The following SCAPER variants were observed in gnomAD, a reference collection of about 807,000 sequenced individuals.
The protein encoded by SCAPER is S-phase cyclin A associated protein in the ER, also known as S phase cyclin A-associated protein in the endoplasmic reticulum.
Under a neutral mutation model 182.2 loss-of-function variants are expected in SCAPER, and 98 were observed. The observed-to-expected ratio is 0.54, with a 90% CI of 0.46 to 0.64. SCAPER has a LOEUF of 0.64. SCAPER is among the 30% of genes least tolerant of loss of function. The pLI, the probability that SCAPER is intolerant of heterozygous loss-of-function variation, is 0.00. For missense variants in SCAPER, 1,432 were observed against 1,690.0 expected (o/e 0.85, Z 2.68); for synonymous variants, 605 against 564.6 (o/e 1.07, Z -1.01).
At chr15:76,414,465 G>C (rs2045516101) in intron 26 of SCAPER, among the ~76,000 whole-genome samples, 1 of 151,506 alleles carries the variant, frequency 6.6e-6, no homozygotes, top group Non-Finnish European at 1.5e-5. Flanking sequence ...TGCAGCTGGA[G>C]GAAAAAAAAG....
At position 76,779,846 on chromosome 15, in the gene SCAPER, A is replaced by C. The variant is rs530007849; in HGVS notation, c.773-4729T>G. On this transcript the variant is annotated intron_variant, in intron 8 of 31. Coordinates refer to ENST00000563290, the MANE Select transcript of SCAPER (RefSeq NM_020843.4). ...ATATAAACAATTATAAGCTATGACCAAGTGAAATTTATTTCAGATATGCCA... is the reference window on the plus strand; with the variant it reads ...ATATAAACAATTATAAGCTATGACCCAGTGAAATTTATTTCAGATATGCCA... Among the ~76,000 whole-genome samples, 6 of 152,356 alleles carry C rather than the reference A, an allele frequency of 3.9e-5. No homozygotes were observed. In the South Asian group the frequency reaches 1.2e-3, roughly 32 times the overall value.
At chr15:76,666,277 T>C (rs1199382200) in intron 20 of SCAPER, among the ~76,000 whole-genome samples, 1 of 152,122 alleles carries the variant, frequency 6.6e-6, no homozygotes, top group East Asian at 1.9e-4. Flanking sequence ...ATTTGGCCTG[T>C]GAGTAGGGTG....
intron 8 of SCAPER, among the ~76,000 whole-genome samples, chr15:76,782,732 C>G (rs1008668186): frequency 2.0e-5 from 3 of 152,278 alleles, no homozygotes; most frequent in African/African-American, 7.2e-5. Context: ...GAAACTCACT[C>G]AAAACCTCAC....
At chr15:76,864,309 C>G (rs1349140457) in intron 2 of SCAPER, among the ~76,000 whole-genome samples, 1 of 152,208 alleles carries the variant, frequency 6.6e-6, no homozygotes, top group Non-Finnish European at 1.5e-5. Flanking sequence ...ATTTACTTAT[C>G]TGTTCAATTC....
At chr15:76,729,295 TACACACAC>T (rs57440824) in intron 16 of SCAPER, among the ~76,000 whole-genome samples, 12 of 144,282 alleles carry the variant, frequency 8.3e-5, no homozygotes, top group South Asian at 4.4e-4. Flanking sequence ...TATATACACA[TACACACAC>T]ACACACACAC....
At chr15:76,448,453 C>T (rs2048154437) in intron 25 of SCAPER, among the ~76,000 whole-genome samples, 1 of 151,908 alleles carries the variant, frequency 6.6e-6, no homozygotes, top group African/African-American at 2.4e-5. Flanking sequence ...GTGGGGGAAG[C>T]CGATTTTGAG....
intron 21 of SCAPER, among the ~76,000 whole-genome samples, chr15:76,665,067 G>A (rs1229572368): frequency 6.6e-6 from 1 of 152,142 alleles, no homozygotes; most frequent in Admixed American, 6.6e-5. Flanking sequence ...CTGTGTCCTC[G>A]AACCGGACTC....
intron 25 of SCAPER, among the ~76,000 whole-genome samples, chr15:76,462,730 A>T (rs1337385011): frequency 1.3e-5 from 2 of 152,194 alleles, no homozygotes; most frequent in African/African-American, 4.8e-5. Flanking sequence ...TGTAGTAGAA[A>T]GGCAATCTGA....
At chr15:76,877,630 T>G (rs900613330) in intron 2 of SCAPER, among the ~76,000 whole-genome samples, 1 of 152,194 alleles carries the variant, frequency 6.6e-6, no homozygotes, top group African/African-American at 2.4e-5. Context: ...TCGTGTGATA[T>G]TCTGCCTAAA....
At chr15:76,679,413 T>C (rs985588239) in intron 20 of SCAPER, among the ~76,000 whole-genome samples, 6 of 152,212 alleles carry the variant, frequency 3.9e-5, no homozygotes, top group Non-Finnish European at 8.8e-5. Context: ...ATGCAATGCA[T>C]TTTTATCATT....
At chr15:76,408,324 T>G (rs1226933719) in intron 26 of SCAPER, among the ~76,000 whole-genome samples, 1 of 152,204 alleles carries the variant, frequency 6.6e-6, no homozygotes, top group Non-Finnish European at 1.5e-5. Context: ...ATTTATTTCC[T>G]GTAAAATGAT....
chr15:76,804,649 C>CA lies in SCAPER; in HGVS notation c.394-17dup, dbSNP rs762475115. On this transcript the variant is annotated splice_polypyrimidine_tract_variant and intron_variant, in intron 5 of 31. Transcript: ENST00000563290. Reference sequence around the variant, plus strand: ...TTAGCACCTCCTAAAAGAAACAAAACAAAAAAAAATTAAATTCCAGTCTGA... The same window carrying CA: ...TTAGCACCTCCTAAAAGAAACAAAACAAAAAAAAAATTAAATTCCAGTCTGA... 677 of 1,468,096 alleles carry CA rather than the reference C, an allele frequency of 4.6e-4. No individual in the cohort carries two copies. The highest frequency in any genetic ancestry group is 1.2e-3 in the African/African-American group (79 of 68,438). 90.9% of individuals were successfully genotyped at this position (1,468,096 alleles called of 1,614,324 possible).
intron 16 of SCAPER, among the ~76,000 whole-genome samples, chr15:76,729,082 AC>A (rs1462478599): frequency 1.8e-4 from 27 of 152,084 alleles, no homozygotes; most frequent in African/African-American, 5.8e-4. Context: ...GGCCTAGCCT[AC>A]CAGCCTACAT....
intron 20 of SCAPER, among the ~76,000 whole-genome samples, chr15:76,695,442 C>CA (rs1392630109): frequency 1.3e-5 from 2 of 151,642 alleles, no homozygotes; most frequent in African/African-American, 2.4e-5. Context: ...CCAAAAAATA[C>CA]AAAAATTAGC....
chr15:76,845,819 T>G (rs1327770824), intron 4 of SCAPER, among the ~76,000 whole-genome samples: 1 of 152,080 alleles, frequency 6.6e-6, no homozygotes, highest in East Asian at 1.9e-4. Flanking sequence ...ACCAATGACA[T>G]TCTTCACAGA....
chr15:76,572,371 A>C lies in SCAPER; in HGVS notation c.2838+1787T>G, dbSNP rs2047491799. Among the ~76,000 whole-genome samples, 4 of 152,218 alleles carry C rather than the reference A, an allele frequency of 2.6e-5. No individual in the cohort carries two copies. The South Asian group carries it at 8.3e-4, about 32-fold the overall frequency. On this transcript the variant is annotated intron_variant, in intron 23 of 31. Transcript: ENST00000563290. ...TTTTCCTAAAGCACATTAAATCTTT[A>C]AATACTGCATTCTAGCAAATGTGTG...
chr15:76,769,039 T>A (rs1372346362), intron 10 of SCAPER, among the ~76,000 whole-genome samples: 1 of 152,016 alleles, frequency 6.6e-6, no homozygotes, highest in Non-Finnish European at 1.5e-5. Context: ...AAAACTATCA[T>A]CAGAGTGAAC....
intron 20 of SCAPER, among the ~76,000 whole-genome samples, chr15:76,676,137 C>T (rs893357396): frequency 3.9e-5 from 6 of 152,114 alleles, no homozygotes; most frequent in Admixed American, 3.9e-4. Context: ...AACTGGGTTT[C>T]TTAATTTCTT....
chr15:76,539,855 A>G (rs945839331), intron 23 of SCAPER, among the ~76,000 whole-genome samples: 5 of 152,082 alleles, frequency 3.3e-5, no homozygotes, highest in Non-Finnish European at 7.4e-5. Flanking sequence ...TAAAATCAAA[A>G]TTTCAATTCC....
Sources: allele counts gnomAD v4.1 joint callset (sites outside exome capture counted in the v4.1 genomes callset), GRCh38; gene constraint gnomAD v4.1.1; transcripts MANE v1.5; gene names NCBI Gene and HGNC (gene_info 2026-07-23, HGNC 2026-07-21).